Variants in FAM107A observed in about 807,000 individuals in gnomAD.
FAM107A encodes the protein actin-associated protein FAM107A.
FAM107A carries 19 observed loss-of-function variants against 13.7 expected under a neutral mutation model. The observed-to-expected ratio is 1.38, with a 90% CI of 0.97 to 2.03. The LOEUF is 2.03. FAM107A is among the 30% of genes most tolerant of loss of function. The pLI is 0.00. For synonymous variants in FAM107A, 82 were observed against 74.5 expected (o/e 1.10, Z -0.52); for missense variants, 203 against 184.4 (o/e 1.10, Z -0.58).
Position 58,585,749 on chromosome 3 carries a change from C to A in FAM107A, c.79+1109G>T, listed in dbSNP as rs141539619. 6.4e-3 allele frequency among the ~76,000 whole-genome samples: 972 copies of A among 152,362 alleles called. 15 individuals carry two copies. Among genetic ancestry groups the A allele is most frequent in the African/African-American group, 0.022 (924 of 41,584 alleles). The stretch of plus-strand genomic sequence containing the variant: ...GAGATAGCGTTTCACCTCCTCCAAA[C>A]GTCTCTCTCCAAGGAGAGTCGGGAG... On this transcript the variant is annotated intron_variant, in intron 1 of 3. Transcript: ENST00000447756.
intron 1 of FAM107A, among the ~76,000 whole-genome samples, chr3:58,601,347 T>C (rs1174860786): frequency 6.6e-6 from 1 of 152,204 alleles, no homozygotes; most frequent in Non-Finnish European, 1.5e-5. Context: ...TCTATAAACA[T>C]CTAGAATGAT....
chr3:58,573,103 A>G (rs2063700310), intron 1 of FAM107A, among the ~76,000 whole-genome samples: 1 of 152,196 alleles, frequency 6.6e-6, no homozygotes, highest in Admixed American at 6.5e-5. Context: ...CCCTGAGGCC[A>G]GGCTGGTGTG....
upstream of FAM107A, chr3:58,577,602 A>T (rs1213342268): frequency 3.0e-6 from 3 of 985,432 alleles, no homozygotes; most frequent in East Asian, 2.3e-4. This position sits in a 1 kb window ranked among gnomAD's most constrained non-coding sequence, Gnocchi z 4.9. Flanking sequence ...GCACAAATAA[A>T]TACCCATTTT....
intron 1 of FAM107A, among the ~76,000 whole-genome samples, chr3:58,610,300 C>T (rs1029213415): frequency 2.0e-5 from 3 of 152,326 alleles, no homozygotes; most frequent in East Asian, 1.9e-4. Flanking sequence ...CAAGGCCACA[C>T]GGCTGGCAAG....
At chr3:58,598,032 G>A (rs2065722101) in intron 1 of FAM107A, among the ~76,000 whole-genome samples, 1 of 152,184 alleles carries the variant, frequency 6.6e-6, no homozygotes, top group Admixed American at 6.5e-5. Context: ...ATTCTTAAAG[G>A]TTGAATATAT....
Position 58,569,193 on chromosome 3 carries a change from C to A in FAM107A, c.170+498G>T, listed in dbSNP as rs1389297640. Among the ~76,000 whole-genome samples, 3 of 152,220 alleles carry A rather than the reference C, an allele frequency of 2.0e-5. No homozygotes were observed. The highest frequency in any genetic ancestry group is 7.2e-5 in the African/African-American group (3 of 41,462). On this transcript the variant is annotated intron_variant, in intron 2 of 3. Coordinates refer to ENST00000360997, the MANE Select transcript of FAM107A (RefSeq NM_001076778.3). This position sits in a 1 kb window ranked among gnomAD's most constrained non-coding sequence, Gnocchi z 5.7. ...TCTGCCATCCAGCACCCACCTCCGG[C>A]CTGGCTAACTCCAGTCCCCCTTCAG...
At chr3:58,578,618 T>C (rs933415214), upstream of FAM107A, among the ~76,000 whole-genome samples, 10 of 152,136 alleles carry the variant, frequency 6.6e-5, no homozygotes, top group African/African-American at 2.4e-4. Flanking sequence ...GTAAAAAATG[T>C]ATGTAGATCC....
chr3:58,595,210 G>T (rs573071876), intron 1 of FAM107A, among the ~76,000 whole-genome samples: 43 of 150,792 alleles, frequency 2.9e-4, no homozygotes, highest in African/African-American at 1.1e-3. Context: ...AATTTTCACC[G>T]CCCCAACCCT....
In FAM107A at chr3:58,601,925, G is replaced by A. The variant is rs566782035; in HGVS notation, c.-69-12656C>T. Among the ~76,000 whole-genome samples the A allele has an allele frequency of 5.9e-5, 9 of 152,274 alleles. No homozygotes were observed. In the South Asian group the frequency reaches 8.3e-4, roughly 14 times the overall value. ...TTGTGGTGTAAACGTGGATGGGGCC[G>A]GGAGAGGGGACTTGGCAAGGGGGCT... is the stretch of plus-strand genomic sequence containing the variant. On this transcript the variant is annotated intron_variant, in intron 1 of 3. Transcript: ENST00000465970.
chr3:58,576,125 G>A (rs2063728687), intron 1 of FAM107A, among the ~76,000 whole-genome samples: 3 of 152,226 alleles, frequency 2.0e-5, no homozygotes, highest in Admixed American at 2.0e-4. Flanking sequence ...CTGGCCAGCA[G>A]CCAAAGAACA....
chr3:58,617,010 G>A lies in FAM107A; in HGVS notation c.-70+10406C>T, dbSNP rs34001924. Among the ~76,000 whole-genome samples the A allele has an allele frequency of 0.071, 10,880 of 152,224 alleles. 429 individuals carry two copies. The highest frequency in any genetic ancestry group is 0.094 in the African/African-American group (3,885 of 41,542). On this transcript the variant is annotated intron_variant, in intron 1 of 3. Transcript: ENST00000465970. This position sits in a 1 kb window ranked among gnomAD's most constrained non-coding sequence, Gnocchi z 4.5. ...GATGGTCTCAATCTCTTGACCTTGT[G>A]ATCCGCCTGCCTCGGCCTCCCAAAG...
At chr3:58,601,846 G>A (rs2108071737) in intron 1 of FAM107A, among the ~76,000 whole-genome samples, 1 of 152,314 alleles carries the variant, frequency 6.6e-6, no homozygotes, top group Non-Finnish European at 1.5e-5. Flanking sequence ...GGGTGGGTTT[G>A]GAATTTTGGC....
rs1326487688 is a variant in FAM107A at position 58,567,080 on chromosome 3, G to A, written c.327+128C>T. 8 of 1,178,866 alleles carry A rather than the reference G, an allele frequency of 6.8e-6. No individual in the cohort carries two copies. The South Asian group carries it at 8.8e-5, about 13-fold the overall frequency. 73.0% of individuals were successfully genotyped at this position (1,178,866 alleles called of 1,614,324 possible). The stretch of plus-strand genomic sequence containing the variant: ...GGCAGAGGGAGGACTCAGGCCAGGA[G>A]TGGACTCTTAGTCCAGTGCTCTGTC... On this transcript the variant is annotated intron_variant, in intron 3 of 3. Transcript: ENST00000360997.
At chr3:58,587,468 G>C (rs2108062745), upstream of FAM107A, among the ~76,000 whole-genome samples, 1 of 142,110 alleles carries the variant, frequency 7.0e-6, no homozygotes, top group Non-Finnish European at 1.5e-5. Context: ...AGGTTAATCA[G>C]CTTAGAGTGT....
chr3:58,570,584 AGAGAGAGAGAGAGAG>A, intron 1 of FAM107A, among the ~76,000 whole-genome samples: 2 of 2,564 alleles, frequency 7.8e-4, no homozygotes, highest in Admixed American at 5.6e-3. Flanking sequence ...CAAATACAGC[AGAGAGAGAGAGAGAG>A]AGAGAGAGAG....
chr3:58,594,257 C>G (rs2065680262), intron 1 of FAM107A, among the ~76,000 whole-genome samples: 1 of 152,212 alleles, frequency 6.6e-6, no homozygotes, highest in African/African-American at 2.4e-5. Flanking sequence ...TTCATTCCAT[C>G]CTTGGCTACC....
At chr3:58,579,867 C>A (rs2065510437), upstream of FAM107A, among the ~76,000 whole-genome samples, 1 of 152,234 alleles carries the variant, frequency 6.6e-6, no homozygotes, top group African/African-American at 2.4e-5. Flanking sequence ...CCCACAAAAA[C>A]TCTTCTCACA....
intron 1 of FAM107A, among the ~76,000 whole-genome samples, chr3:58,624,091 C>A (rs1043492588): frequency 1.3e-5 from 2 of 152,204 alleles, no homozygotes; most frequent in Non-Finnish European, 2.9e-5. Context: ...TTTTCTTGAA[C>A]CCACTGCTGC....
intron 1 of FAM107A, among the ~76,000 whole-genome samples, chr3:58,607,323 GTTT>G (rs1386779452): frequency 1.3e-5 from 2 of 152,164 alleles, no homozygotes; most frequent in African/African-American, 2.4e-5. Flanking sequence ...CTAGAGTGGA[GTTT>G]TCTCCTGGAG....
Sources: gnomAD v4.1 joint callset for allele counts (sites outside exome capture counted in the v4.1 genomes callset) on GRCh38, gnomAD v4.1.1 for gene constraint, Gnocchi (gnomAD v3.1) non-coding constraint, MANE v1.5 for transcripts, NCBI Gene and HGNC (gene_info 2026-07-23, HGNC 2026-07-21) for gene names.